ATP2B1: variants seen among roughly 807,000 people sequenced by gnomAD.
ATP2B1 encodes the protein ATPase plasma membrane Ca2+ transporting 1.
ATP2B1 carries 14 observed loss-of-function variants against 124.2 expected under a neutral mutation model. The ratio of observed to expected loss-of-function variants is 0.11; its 90% CI spans 0.07 to 0.18. The LOEUF (loss-of-function observed/expected upper bound fraction) is 0.18, where lower values mean the gene tolerates loss of function less well. Ranked by LOEUF, ATP2B1 falls within the 10% of genes least tolerant of loss-of-function variation. ATP2B1 has a pLI of 1.00. For synonymous variants in ATP2B1, 449 were observed against 492.4 expected, an observed-to-expected ratio of 0.91 and a Z score of 1.17; for missense variants, 763 against 1,466.1, an observed-to-expected ratio of 0.52 and a Z score of 7.83.
chr12:89,606,050 A>G (rs535429767), intron 15 of ATP2B1, among the ~76,000 whole-genome samples: 4 of 152,104 alleles, frequency 2.6e-5, no homozygotes, highest in Admixed American at 2.6e-4. Flanking sequence ...AAGGAAGGAA[A>G]AGTAATTACA....
intron 13 of ATP2B1, chr12:89,610,726 G>A (rs1265080863): frequency 6.1e-6 from 3 of 493,202 alleles, no homozygotes; most frequent in African/African-American, 6.0e-5. Context: ...TAATAATCTT[G>A]CTAGGTGACT....
chr12:89,608,930 C>T (rs562709918), intron 15 of ATP2B1, among the ~76,000 whole-genome samples: 26 of 152,156 alleles, frequency 1.7e-4, no homozygotes, highest in South Asian at 8.3e-4. Context: ...TGGGGTAGGG[C>T]GGGGGATCTT....
intron 1 of ATP2B1, among the ~76,000 whole-genome samples, chr12:89,659,184 G>C (rs570060462): frequency 6.6e-6 from 1 of 152,136 alleles, no homozygotes; most frequent in Non-Finnish European, 1.5e-5. Flanking sequence ...TTTTCTAATA[G>C]AATTTTATCT....
intron 1 of ATP2B1, among the ~76,000 whole-genome samples, chr12:89,662,160 G>C (rs1475961580): frequency 6.8e-6 from 1 of 148,126 alleles, no homozygotes; most frequent in Non-Finnish European, 1.5e-5. Context: ...TTTAACACGA[G>C]ACTGGAGTTT....
At chr12:89,706,662 C>T (rs972227518) in intron 1 of ATP2B1, among the ~76,000 whole-genome samples, 5 of 152,010 alleles carry the variant, frequency 3.3e-5, no homozygotes, top group Admixed American at 3.3e-4. Context: ...AAGACAATTC[C>T]CCCTTACACG....
intron 12 of ATP2B1, among the ~76,000 whole-genome samples, chr12:89,613,146 AT>A (rs1343380140): frequency 6.6e-6 from 1 of 151,840 alleles, no homozygotes; most frequent in Non-Finnish European, 1.5e-5. Context: ...TGCACAGCTA[AT>A]TTTTTGTATT....
intron 1 of ATP2B1, among the ~76,000 whole-genome samples, chr12:89,672,540 GC>G (rs1483003861): frequency 6.6e-6 from 1 of 152,114 alleles, no homozygotes; most frequent in Non-Finnish European, 1.5e-5. Context: ...TTCTTATCTA[GC>G]ACATATGGCT....
intron 20 of ATP2B1, among the ~76,000 whole-genome samples, chr12:89,595,846 A>G (rs76009355): frequency 0.018 from 2,771 of 152,230 alleles, 75 homozygotes; most frequent in African/African-American, 0.062. Flanking sequence ...CATAGGACAC[A>G]GAATAAAGAA....
chr12:89,603,844 G>A lies in ATP2B1; in HGVS notation c.2716C>T (p.Pro906Ser). Residue 906 changes from proline to serine, a missense_variant, in exon 17 of 21, where the codon CCA becomes TCA. By Grantham distance (74) the Pro-to-Ser change is moderately conservative. Around this residue, in one of 7 missense-constraint regions of ATP2B1, gnomAD observed 118 missense variants for 240.3 expected, o/e 0.49. Transcript: ENST00000428670. This position sits in a 1 kb window ranked among gnomAD's most constrained non-coding sequence, Gnocchi z 4.3. ...CGAAGCAAGAGAGACTCAGTGGGTG[G>A]TTCCGTTGCCAGAGCCAGGGAAGCG... is the stretch of plus-strand genomic sequence containing the variant. Reference protein sequence around the residue: ...TLASLALATEPPTESLLLRKP... With the variant: ...TLASLALATESPTESLLLRKP... 6.2e-7 allele frequency: 1 copy of A among 1,614,072 alleles called. No individual in the cohort carries two copies. Among genetic ancestry groups the A allele is most frequent in the African/African-American group, 1.3e-5 (1 of 75,022 alleles).
At chr12:89,683,001 C>T (rs1275229924) in intron 1 of ATP2B1, among the ~76,000 whole-genome samples, 1 of 151,952 alleles carries the variant, frequency 6.6e-6, no homozygotes, top group African/African-American at 2.4e-5. Flanking sequence ...AATCAAATCT[C>T]CTAAAGAAGA....
intron 2 of ATP2B1, among the ~76,000 whole-genome samples, chr12:89,654,672 T>C (rs1885737109): frequency 6.6e-6 from 1 of 152,158 alleles, no homozygotes; most frequent in Non-Finnish European, 1.5e-5. Context: ...AAATATAATT[T>C]AAAGTTATTT....
intron 2 of ATP2B1, among the ~76,000 whole-genome samples, chr12:89,643,972 A>G (rs1364936888): frequency 1.3e-5 from 2 of 152,130 alleles, no homozygotes; most frequent in Non-Finnish European, 2.9e-5. Context: ...AAACACAAAA[A>G]TTAACCGGGT....
At chr12:89,640,254 C>CTTAT (rs1883302007) in intron 3 of ATP2B1, among the ~76,000 whole-genome samples, 2 of 152,076 alleles carry the variant, frequency 1.3e-5, no homozygotes, top group African/African-American at 4.8e-5. Context: ...ATAGGTACTA[C>CTTAT]TTATTTAGCA....
chr12:89,616,768 T>C (rs541714725), intron 12 of ATP2B1, 34 bp downstream of exon 12: 1 of 1,580,554 alleles, frequency 6.3e-7, no homozygotes, highest in Non-Finnish European at 8.7e-7. Flanking sequence ...AGTTATGAGA[T>C]TCTGCACATG....
intron 1 of ATP2B1, among the ~76,000 whole-genome samples, chr12:89,688,350 C>T (rs142265907): frequency 3.9e-5 from 6 of 152,230 alleles, no homozygotes; most frequent in Non-Finnish European, 8.8e-5. Flanking sequence ...TATAAAATAT[C>T]TGGAGACTCA....
chr12:89,653,151 C>G (rs1298343116), intron 2 of ATP2B1, among the ~76,000 whole-genome samples: 3 of 151,902 alleles, frequency 2.0e-5, no homozygotes, highest in African/African-American at 7.3e-5. Flanking sequence ...CAAGTTTATA[C>G]AAATTTTAGT....
At chr12:89,613,115 G>C (rs1229540083) in intron 12 of ATP2B1, among the ~76,000 whole-genome samples, 1 of 151,816 alleles carries the variant, frequency 6.6e-6, no homozygotes, top group Non-Finnish European at 1.5e-5. Flanking sequence ...GAGTAGCTGG[G>C]ATCACAGGTA....
Position 89,603,479 on chromosome 12 carries a change from G to C in ATP2B1, c.2849-225C>G. 1 of 631,880 alleles carries C rather than the reference G, an allele frequency of 1.6e-6. No individual in the cohort carries two copies. The highest frequency in any genetic ancestry group is 2.1e-5 in the South Asian group (1 of 48,018). The allele number at this position is 631,880 out of a possible 1,614,324, so 39.1% of individuals were successfully genotyped here. On this transcript the variant is annotated intron_variant, in intron 17 of 20. Transcript: ENST00000428670. The surrounding 1 kb of genome is among the most constrained non-coding windows in gnomAD (Gnocchi z 4.3). ...ATCTCAGGATCACATATCTAAATTAGTGGAGAGCCAGGGTAAGACATCAGG... is the reference window on the plus strand; with the variant it reads ...ATCTCAGGATCACATATCTAAATTACTGGAGAGCCAGGGTAAGACATCAGG...
intron 2 of ATP2B1, among the ~76,000 whole-genome samples, chr12:89,650,787 T>G (rs1425843070): frequency 6.6e-6 from 1 of 152,066 alleles, no homozygotes; most frequent in East Asian, 1.9e-4. Flanking sequence ...CAGTATAAAA[T>G]ATAACATAGG....
Sources: allele counts gnomAD v4.1 joint callset (sites outside exome capture counted in the v4.1 genomes callset), GRCh38; gene constraint gnomAD v4.1.1; regional missense constraint gnomAD v4.1.1; non-coding constraint Gnocchi (gnomAD v3.1); transcripts MANE v1.5; gene names NCBI Gene and HGNC (gene_info 2026-07-23, HGNC 2026-07-21).